SIN3B: variants seen among roughly 807,000 people sequenced by gnomAD.
The protein encoded by SIN3B is SIN3 transcription regulator family member B.
In SIN3B, 19 loss-of-function variants were observed where a neutral mutation model predicts 120.2. The ratio of observed to expected loss-of-function variants is 0.16; its 90% CI spans 0.11 to 0.23. The LOEUF is 0.23. Among genes scored for constraint, SIN3B ranks in the 10% least tolerant of loss-of-function variants. SIN3B has a pLI of 1.00. For missense variants in SIN3B, 1,073 were observed against 1,573.0 expected (o/e 0.68, Z 5.38); for synonymous variants, 654 against 653.2 (o/e 1.00, Z -0.02).
At chr19:16,866,221 C>T (rs1728398116) in intron 11 of SIN3B, 152 bp from the exon 12 acceptor site, 1 of 695,796 alleles carries the variant, frequency 1.4e-6, no homozygotes, top group East Asian at 2.7e-5. Flanking sequence ...CTCTGACGTG[C>T]ACAGAGCCCA....
Position 16,876,297 on chromosome 19 carries a change from C to T in SIN3B, c.2766+69C>T. 6.5e-7 allele frequency: 1 copy of T among 1,534,460 alleles called. No individual in the cohort carries two copies. The highest frequency in any genetic ancestry group is 8.8e-7 in the Non-Finnish European group (1 of 1,132,458). On this transcript the variant is annotated intron_variant, in intron 15 of 18. Coordinates refer to ENST00000248054, the MANE Select transcript of SIN3B (RefSeq NM_001297595.2). This position sits in a 1 kb window ranked among gnomAD's most constrained non-coding sequence, Gnocchi z 7.1. ...CGCTCACTCCGCTCTGGACTCAGTCCTGGGTGGACCCTGGTTCAGCGGCTG... is the reference window on the plus strand; with the variant it reads ...CGCTCACTCCGCTCTGGACTCAGTCTTGGGTGGACCCTGGTTCAGCGGCTG...
chr19:16,871,609 C>T (rs2051512695), intron 14 of SIN3B: 3 of 538,662 alleles, frequency 5.6e-6, no homozygotes, highest in African/African-American at 2.0e-5. Context: ...GTGCAACCAC[C>T]ACCTCTGTCT....
intron 3 of SIN3B, among the ~76,000 whole-genome samples, chr19:16,840,212 CTG>C (rs1971399779): frequency 6.6e-6 from 1 of 152,124 alleles, no homozygotes; most frequent in Non-Finnish European, 1.5e-5. Context: ...CAGAACGTGA[CTG>C]TATTTGGAGA....
At chr19:16,865,329 T>C in intron 10 of SIN3B, 81 bp from the exon 11 acceptor site, 2 of 505,792 alleles carry the variant, frequency 4.0e-6, no homozygotes, top group Non-Finnish European at 3.5e-6. Flanking sequence ...AAAAATCCTC[T>C]GGTCTCTGAG....
chr19:16,853,098 C>T lies in SIN3B; in HGVS notation c.879C>T (p.Asp293=). ...KKKMKLRGTK[D]LSIAAVGKYG... ...AAATGAAACTTCGTGGTACCAAAGA[C>T]CTGTCCATCGCTGCAGTGGGGAAGT... is the stretch of plus-strand genomic sequence containing the variant. The change falls in exon 7 of 19, where the codon GAC becomes GAT. Residue 293 remains aspartate, a synonymous_variant. Coordinates refer to ENST00000248054, the MANE Select transcript of SIN3B (RefSeq NM_001297595.2). 1 of 1,614,166 alleles carries T rather than the reference C, an allele frequency of 6.2e-7. No homozygotes were observed. Among genetic ancestry groups the T allele is most frequent in the Non-Finnish European group, 8.5e-7 (1 of 1,180,014 alleles).
chr19:16,877,167 C>G (rs1288452888), intron 16 of SIN3B: 1 of 257,672 alleles, frequency 3.9e-6, no homozygotes, highest in East Asian at 9.9e-5. Context: ...TGACCACAAA[C>G]CACGTGGCTT....
chr19:16,873,487 C>T (rs1267321601), intron 14 of SIN3B, among the ~76,000 whole-genome samples: 3 of 151,292 alleles, frequency 2.0e-5, no homozygotes, highest in East Asian at 2.0e-4. Flanking sequence ...GGGGAAGTGA[C>T]GCAGGGGACG....
intron 3 of SIN3B, among the ~76,000 whole-genome samples, chr19:16,840,526 T>G (rs962921234): frequency 2.0e-5 from 3 of 152,208 alleles, no homozygotes; most frequent in Non-Finnish European, 4.4e-5. Context: ...CCTGAGCTGA[T>G]GGATGCACTC....
chr19:16,831,859 A>G (rs567366909), intron 3 of SIN3B, among the ~76,000 whole-genome samples: 15 of 152,306 alleles, frequency 9.8e-5, no homozygotes, highest in African/African-American at 3.6e-4. Flanking sequence ...TCTGTTTGGA[A>G]GATTTAAATC....
At chr19:16,863,876 C>A in intron 10 of SIN3B, 80 bp downstream of exon 10, 1 of 980,466 alleles carries the variant, frequency 1.0e-6, no homozygotes, top group Non-Finnish European at 1.6e-6. Flanking sequence ...GATCCTCCTC[C>A]ACTGCCCCAG....
At chr19:16,858,628 G>A (rs963696505) in intron 8 of SIN3B, among the ~76,000 whole-genome samples, 4 of 152,150 alleles carry the variant, frequency 2.6e-5, no homozygotes, top group African/African-American at 4.8e-5. Flanking sequence ...TTGGGAGGCC[G>A]AGGGGGAAGG....
chr19:16,875,557 C>T (rs1349313325), intron 14 of SIN3B, among the ~76,000 whole-genome samples: 4 of 113,132 alleles, frequency 3.5e-5, no homozygotes, highest in African/African-American at 1.2e-4. Context: ...TCTGTTTGGT[C>T]TGGTCTGGTC....
chr19:16,862,235 T>G lies in SIN3B; in HGVS notation c.1059-117T>G. On this transcript the variant is annotated intron_variant, in intron 8 of 18. Transcript: ENST00000248054. This position sits in a 1 kb window ranked among gnomAD's most constrained non-coding sequence, Gnocchi z 4.7. The stretch of plus-strand genomic sequence containing the variant: ...TTCCGCCTCTCATTCGCATCCATGA[T>G]GTTGAATTCTGACTCTGTTTAACTT... 1 of 766,458 alleles carries G rather than the reference T, an allele frequency of 1.3e-6. No homozygotes were observed. The highest frequency in any genetic ancestry group is 2.1e-6 in the Non-Finnish European group (1 of 466,538). The allele number at this position is 766,458 out of a possible 1,614,324, so 47.5% of individuals were successfully genotyped here.
intron 4 of SIN3B, among the ~76,000 whole-genome samples, chr19:16,843,721 A>T (rs189156478): frequency 6.6e-6 from 1 of 152,260 alleles, no homozygotes; most frequent in East Asian, 1.9e-4. Context: ...AGAGAGTGCC[A>T]TGGGAAGGGA....
chr19:16,848,372 A>G (rs11881843), intron 5 of SIN3B, among the ~76,000 whole-genome samples: 1,948 of 147,244 alleles, frequency 0.013, 42 homozygotes, highest in African/African-American at 0.047. Context: ...CCTATCAGCA[A>G]TGGACTGCGG....
chr19:16,845,196 G>C (rs377368787), intron 4 of SIN3B, among the ~76,000 whole-genome samples: 1 of 152,208 alleles, frequency 6.6e-6, no homozygotes, highest in Non-Finnish European at 1.5e-5. Flanking sequence ...AGTTGAGGGC[G>C]TACTATGCAT....
At position 16,876,403 on chromosome 19, in the gene SIN3B, G is replaced by A. The variant is rs963493576; in HGVS notation, c.2767-83G>A. 23 of 1,466,946 alleles carry A rather than the reference G, an allele frequency of 1.6e-5. No homozygotes were observed. Among genetic ancestry groups the A allele is most frequent in the East Asian group, 2.3e-5 (1 of 43,274 alleles). 90.9% of individuals were successfully genotyped at this position (1,466,946 alleles called of 1,614,324 possible). A position where few individuals can be genotyped will look rare whatever the true frequency, so the allele number is the denominator to read the frequency against. On this transcript the variant is annotated intron_variant, in intron 15 of 18. Transcript: ENST00000248054. This position sits in a 1 kb window ranked among gnomAD's most constrained non-coding sequence, Gnocchi z 7.1. ...AGGGCTTTGGGAGGGTGGCAAAGGC[G>A]GGAGGCGGGTGGCCTTGCGAGCCTG...
At chr19:16,872,739 G>T (rs541956406) in intron 14 of SIN3B, 2 of 152,240 alleles carry the variant, frequency 1.3e-5, no homozygotes, top group African/African-American at 4.8e-5. Flanking sequence ...CCACCGCACC[G>T]GCATCACAAC....
rs1259930531 is a variant in SIN3B at position 16,869,782 on chromosome 19, C to T, written c.2129C>T (p.Pro710Leu). The change falls in exon 13 of 19, where the codon CCA (proline) becomes CTA (leucine). Residue 710 changes from proline to leucine, a missense_variant. By Grantham distance (98) the Pro-to-Leu change is moderately conservative. This residue lies in a region of SIN3B where 169 missense variants were observed against 207.3 expected (regional missense o/e 0.82). Coordinates refer to ENST00000248054, the MANE Select transcript of SIN3B (RefSeq NM_001297595.2). ...KPAPGPHSSP[P>L]EEKGAFGDAP... is the part of the protein sequence containing the mutation. ...GCGCCAGGACCCCACAGTAGCCCCC[C>T]AGAGGAGAAGGGGGCCTTCGGGGAT... is the stretch of plus-strand genomic sequence containing the variant. The T allele has an allele frequency of 1.2e-6, 2 of 1,613,622 alleles. No individual in the cohort carries two copies. The highest frequency in any genetic ancestry group is 1.1e-5 in the South Asian group (1 of 91,078).
Sources: gnomAD v4.1 joint callset for allele counts (sites outside exome capture counted in the v4.1 genomes callset) on GRCh38, gnomAD v4.1.1 for gene constraint, gnomAD v4.1.1 regional missense constraint, Gnocchi (gnomAD v3.1) non-coding constraint, MANE v1.5 for transcripts, NCBI Gene and HGNC (gene_info 2026-07-23, HGNC 2026-07-21) for gene names.